The following GPM6A variants were observed in gnomAD, a reference collection of about 807,000 sequenced individuals.
GPM6A encodes the protein glycoprotein M6A, also known as neuronal membrane glycoprotein M6-a.
In GPM6A, 7 loss-of-function variants were observed where a neutral mutation model predicts 32.1. The ratio of observed to expected loss-of-function variants is 0.22; its 90% CI spans 0.12 to 0.41. GPM6A has a LOEUF of 0.41. Ranked by LOEUF, GPM6A falls within the 10% of genes least tolerant of loss-of-function variation. The probability of loss-of-function intolerance (pLI) is 1.00; values close to 1 mark genes in which losing one functional copy is unlikely to be tolerated. For synonymous variants in GPM6A, 130 were observed against 123.4 expected, an observed-to-expected ratio of 1.05 and a Z score of -0.35; for missense variants, 235 against 347.2, an observed-to-expected ratio of 0.68 and a Z score of 2.57.
intron 1 of GPM6A, among the ~76,000 whole-genome samples, chr4:175,869,016 A>G (rs561295243): frequency 6.6e-5 from 10 of 152,332 alleles, no homozygotes; most frequent in African/African-American, 2.2e-4. Flanking sequence ...ATTACATTTC[A>G]ATAAATGCAT....
chr4:175,769,390 T>C (rs1733099960), intron 1 of GPM6A, among the ~76,000 whole-genome samples: 1 of 149,362 alleles, frequency 6.7e-6, no homozygotes, highest in Non-Finnish European at 1.5e-5. Context: ...GATGTATAAT[T>C]GATTTAAACA....
intron 1 of GPM6A, among the ~76,000 whole-genome samples, chr4:175,728,070 T>A (rs1731259811): frequency 1.3e-5 from 2 of 151,518 alleles, no homozygotes; most frequent in African/African-American, 4.8e-5. Context: ...TCAGATCATC[T>A]CACTTCTTAC....
At chr4:175,803,959 T>C (rs1734577778) in intron 1 of GPM6A, among the ~76,000 whole-genome samples, 1 of 147,496 alleles carries the variant, frequency 6.8e-6, no homozygotes, top group Non-Finnish European at 1.5e-5. Flanking sequence ...TTCTTTTCAC[T>C]GTAAAATGGT....
At chr4:175,663,693 A>AT (rs1579356779) in intron 3 of GPM6A, among the ~76,000 whole-genome samples, 1 of 136,728 alleles carries the variant, frequency 7.3e-6, no homozygotes, top group African/African-American at 3.2e-5. Flanking sequence ...GTAAAATGTA[A>AT]ATTTTTTTTT....
intron 1 of GPM6A, chr4:175,962,326 C>T (rs1322923321): frequency 1.5e-5 from 14 of 917,798 alleles, no homozygotes; most frequent in Non-Finnish European, 2.5e-5. Context: ...CCTGTGGCCA[C>T]TCCTGAACAT....
chr4:175,682,741 T>A (rs1184160426), intron 2 of GPM6A, among the ~76,000 whole-genome samples: 1 of 152,154 alleles, frequency 6.6e-6, no homozygotes, highest in Admixed American at 6.5e-5. Flanking sequence ...CCTGTCAGCT[T>A]CCATGGTGTG....
intron 1 of GPM6A, among the ~76,000 whole-genome samples, chr4:175,722,585 T>C (rs192114243): frequency 6.6e-6 from 1 of 152,034 alleles, no homozygotes; most frequent in Admixed American, 6.6e-5. Context: ...GTGTCCATAA[T>C]TTACTTTTAC....
At chr4:175,711,457 T>TATATATATATATAC (rs1303046650) in intron 1 of GPM6A, among the ~76,000 whole-genome samples, 5 of 28,004 alleles carry the variant, frequency 1.8e-4, no homozygotes, top group South Asian at 1.2e-3. Context: ...TATATATATA[T>TATATATATATATAC]ACACACACAT....
At chr4:175,812,105 A>C in intron 1 of GPM6A, 86 bp downstream of exon 1, 1 of 998,994 alleles carries the variant, frequency 1.0e-6, no homozygotes, top group Non-Finnish European at 1.5e-6. Context: ...AGAAACATTC[A>C]TTAGCCTTAC....
intron 1 of GPM6A, among the ~76,000 whole-genome samples, chr4:175,981,076 A>C (rs1325555899): frequency 1.3e-5 from 2 of 152,216 alleles, no homozygotes; most frequent in Non-Finnish European, 2.9e-5. Context: ...GGTTTGAAGC[A>C]GGAATAGGGA....
At chr4:175,857,053 A>G (rs1231721109) in intron 1 of GPM6A, among the ~76,000 whole-genome samples, 1 of 152,174 alleles carries the variant, frequency 6.6e-6, no homozygotes, top group African/African-American at 2.4e-5. Flanking sequence ...TGTCTGTATC[A>G]ATACTTATGT....
At chr4:175,902,185 G>T (rs1737989817) in intron 1 of GPM6A, among the ~76,000 whole-genome samples, 1 of 152,014 alleles carries the variant, frequency 6.6e-6, no homozygotes, top group Non-Finnish European at 1.5e-5. Flanking sequence ...TTACTGATAT[G>T]GGGAACAACC....
At position 175,803,464 on chromosome 4, in the gene GPM6A, G is replaced by C. The variant is rs1245733048; in HGVS notation, c.37+8727C>G. Among the ~76,000 whole-genome samples the C allele has an allele frequency of 2.0e-5, 3 of 151,964 alleles. No homozygotes were observed. The East Asian group carries it at 5.8e-4, about 29-fold the overall frequency. On this transcript the variant is annotated intron_variant, in intron 1 of 6. Transcript: ENST00000393658. ...AATTGCTTGGTCACCTTTTTAAATGGGCACAGTGTGTTAAGATGAGAGGAA... is the reference window on the plus strand; with the variant it reads ...AATTGCTTGGTCACCTTTTTAAATGCGCACAGTGTGTTAAGATGAGAGGAA...
At position 175,776,210 on chromosome 4, in the gene GPM6A, A is replaced by AAT. The variant is rs1028060845; in HGVS notation, c.37+35979_37+35980dup. On this transcript the variant is annotated intron_variant, in intron 1 of 6. Coordinates refer to ENST00000393658, the MANE Select transcript of GPM6A (RefSeq NM_201591.3). The stretch of plus-strand genomic sequence containing the variant: ...CTTTCTTAGAGAAAAATTTCAATTC[A>AAT]ATATTATACTGAGTCTATCCTAAAT... Among the ~76,000 whole-genome samples, 218 of 152,328 alleles carry AAT rather than the reference A, an allele frequency of 1.4e-3. 1 individual carries two copies. Among genetic ancestry groups the AAT allele is most frequent in the African/African-American group, 5.1e-3 (210 of 41,580 alleles).
chr4:175,772,780 C>T (rs1733242694), intron 1 of GPM6A, among the ~76,000 whole-genome samples: 1 of 151,900 alleles, frequency 6.6e-6, no homozygotes, highest in African/African-American at 2.4e-5. Flanking sequence ...ATTTTTTACA[C>T]CAAAATACAA....
At position 175,878,178 on chromosome 4, in the gene GPM6A, G is replaced by A. The variant is rs540144362; in HGVS notation, c.-22-65929C>T. 1.2e-3 allele frequency among the ~76,000 whole-genome samples: 188 copies of A among 152,290 alleles called. 1 individual carries two copies. Among genetic ancestry groups the A allele is most frequent in the African/African-American group, 4.3e-3 (179 of 41,570 alleles). ...CCCTCCTGGCTGTTTTCATGGCCTG[G>A]TATTGAATGTCTACAGCTTTTCCAG... is the stretch of plus-strand genomic sequence containing the variant. On this transcript the variant is annotated intron_variant, in intron 1 of 7. Coordinates refer to the GPM6A transcript ENST00000280187.
chr4:175,828,842 TTTAC>T (rs1293903626), intron 1 of GPM6A, among the ~76,000 whole-genome samples: 6 of 150,450 alleles, frequency 4.0e-5, no homozygotes, highest in African/African-American at 1.3e-4. Flanking sequence ...ATAAAATATA[TTTAC>T]ATAAATAGAA....
intron 1 of GPM6A, among the ~76,000 whole-genome samples, chr4:175,896,906 A>G (rs1737811176): frequency 6.6e-6 from 1 of 152,104 alleles, no homozygotes; most frequent in Non-Finnish European, 1.5e-5. Context: ...TTGAGGTGGC[A>G]TCTTTCATTT....
chr4:175,686,529 T>C (rs1220834706), intron 2 of GPM6A, among the ~76,000 whole-genome samples: 1 of 152,170 alleles, frequency 6.6e-6, no homozygotes, highest in Non-Finnish European at 1.5e-5. Flanking sequence ...GAAGGTAATG[T>C]GAAGACGGAG....
Sources: allele counts gnomAD v4.1 joint callset (sites outside exome capture counted in the v4.1 genomes callset), GRCh38; gene constraint gnomAD v4.1.1; transcripts MANE v1.5; gene names NCBI Gene and HGNC (gene_info 2026-07-23, HGNC 2026-07-21).